Variants in MAGI1 observed in about 807,000 individuals in gnomAD.
MAGI1 encodes the protein membrane-associated guanylate kinase, WW and PDZ domain-containing protein 1.
Under a neutral mutation model 139.9 loss-of-function variants are expected in MAGI1, and 58 were observed. The ratio of observed to expected loss-of-function variants is 0.41; its 90% CI spans 0.34 to 0.52. The LOEUF is 0.52. Among genes scored for constraint, MAGI1 ranks in the 20% least tolerant of loss-of-function variants. The pLI is 0.12. For missense variants in MAGI1, 1,874 were observed against 1,901.6 expected (o/e 0.99, Z 0.27); for synonymous variants, 812 against 737.9 (o/e 1.10, Z -1.63).
intron 22 of MAGI1, chr3:65,360,344 G>A (rs1940697402): frequency 1.0e-6 from 1 of 973,370 alleles, no homozygotes; most frequent in African/African-American, 1.8e-5. Flanking sequence ...CTAGGGCATA[G>A]CTTCTTCTTT....
At chr3:65,401,777 T>A in intron 12 of MAGI1, 1 of 1,376,968 alleles carries the variant, frequency 7.3e-7, no homozygotes, top group East Asian at 3.0e-5. Context: ...TTGGACAGAA[T>A]CTCAAATGCT....
chr3:65,669,179 T>C (rs375620221), intron 1 of MAGI1, among the ~76,000 whole-genome samples: 2 of 152,226 alleles, frequency 1.3e-5, no homozygotes, highest in African/African-American at 4.8e-5. Flanking sequence ...CTGTGAGCCA[T>C]TGCACCCAGC....
intron 14 of MAGI1, among the ~76,000 whole-genome samples, chr3:65,390,837 G>A (rs2306379): frequency 0.2 from 30,508 of 152,074 alleles, 3,258 homozygotes; most frequent in African/African-American, 0.26. Context: ...ATCTCCACTC[G>A]GAGAATTAAT....
intron 2 of MAGI1, among the ~76,000 whole-genome samples, chr3:65,536,075 C>T (rs2078946702): frequency 6.6e-6 from 1 of 152,204 alleles, no homozygotes; most frequent in Non-Finnish European, 1.5e-5. Context: ...TATGCAAAGG[C>T]AGCTGGCATG....
At chr3:65,399,831 C>CA (rs751072847) in intron 13 of MAGI1, among the ~76,000 whole-genome samples, 4 of 152,224 alleles carry the variant, frequency 2.6e-5, no homozygotes, top group Non-Finnish European at 5.9e-5. Flanking sequence ...AAATGAATTA[C>CA]AAAAATCCTT....
At chr3:65,958,589 G>T (rs2064249422) in intron 1 of MAGI1, among the ~76,000 whole-genome samples, 1 of 152,154 alleles carries the variant, frequency 6.6e-6, no homozygotes, top group Non-Finnish European at 1.5e-5. Flanking sequence ...TATCTGCATG[G>T]GTAGACTTAA....
chr3:65,537,784 G>A (rs1457892141), intron 2 of MAGI1, among the ~76,000 whole-genome samples: 4 of 152,044 alleles, frequency 2.6e-5, no homozygotes, highest in African/African-American at 9.7e-5. Flanking sequence ...CCAACCCCCT[G>A]AAAATTACAC....
At chr3:65,556,235 T>A (rs779974399) in intron 2 of MAGI1, among the ~76,000 whole-genome samples, 22 of 152,162 alleles carry the variant, frequency 1.4e-4, no homozygotes, top group Non-Finnish European at 2.8e-4. Context: ...CACCAAGAAA[T>A]CTCTGATGTA....
intron 1 of MAGI1, among the ~76,000 whole-genome samples, chr3:65,980,017 C>T (rs964292440): frequency 2.0e-5 from 3 of 152,166 alleles, no homozygotes; most frequent in African/African-American, 7.2e-5. Context: ...GCCTTCAGCA[C>T]ATGGCCTTGT....
chr3:65,609,507 G>C (rs529715624), intron 2 of MAGI1, among the ~76,000 whole-genome samples: 1 of 151,656 alleles, frequency 6.6e-6, no homozygotes, highest in Admixed American at 6.6e-5. Flanking sequence ...TTGAACTCCC[G>C]ACCTCAAGCA....
intron 1 of MAGI1, among the ~76,000 whole-genome samples, chr3:65,652,597 G>A (rs577869838): frequency 2.0e-5 from 3 of 152,266 alleles, no homozygotes; most frequent in Non-Finnish European, 2.9e-5. Context: ...TTAGGGACTA[G>A]GGCAACCTAG....
chr3:65,996,643 C>T (rs1436658573), intron 1 of MAGI1, among the ~76,000 whole-genome samples: 1 of 152,042 alleles, frequency 6.6e-6, no homozygotes, highest in Non-Finnish European at 1.5e-5. Flanking sequence ...CACTCCTTTC[C>T]ACTCCCGTCT....
chr3:65,692,111 T>A (rs73129860), intron 1 of MAGI1, among the ~76,000 whole-genome samples: 18,158 of 150,184 alleles, frequency 0.12, 1,656 homozygotes, highest in East Asian at 0.43. Flanking sequence ...GACCTTTTTT[T>A]AAAAAAAAAA....
chr3:65,790,629 C>T (rs550953187), intron 1 of MAGI1, among the ~76,000 whole-genome samples: 1 of 152,132 alleles, frequency 6.6e-6, no homozygotes, highest in Non-Finnish European at 1.5e-5. Flanking sequence ...CTGGAGTCAG[C>T]TGTAGAGGAA....
chr3:65,736,663 C>G (rs78185914), intron 1 of MAGI1, among the ~76,000 whole-genome samples: 3,367 of 152,216 alleles, frequency 0.022, 78 homozygotes, highest in Non-Finnish European at 0.034. Flanking sequence ...GATGGGTGTC[C>G]CAGCTCAAGA....
intron 2 of MAGI1, among the ~76,000 whole-genome samples, chr3:65,515,811 C>G (rs1017267710): frequency 1.3e-5 from 2 of 152,146 alleles, no homozygotes; most frequent in African/African-American, 4.8e-5. Flanking sequence ...CAATACTTTA[C>G]AGAGAAAAGG....
Position 65,789,307 on chromosome 3 carries a change from C to A in MAGI1, c.314-167219G>T, listed in dbSNP as rs980833545. On this transcript the variant is annotated intron_variant, in intron 1 of 22. Coordinates refer to ENST00000402939, the MANE Select transcript of MAGI1 (RefSeq NM_001033057.2). ...CAGTCCTGTGGTATTCTTCCCACCCCCACCACTCCCAAAGGATGCTTAACG... is the reference window on the plus strand; with the variant it reads ...CAGTCCTGTGGTATTCTTCCCACCCACACCACTCCCAAAGGATGCTTAACG... Among the ~76,000 whole-genome samples the A allele has an allele frequency of 1.4e-4, 21 of 152,216 alleles. No homozygotes were observed. In the East Asian group the frequency reaches 3.1e-3, roughly 22 times the overall value.
intron 1 of MAGI1, among the ~76,000 whole-genome samples, chr3:65,649,708 T>C (rs1349337126): frequency 6.6e-6 from 1 of 152,130 alleles, no homozygotes; most frequent in Non-Finnish European, 1.5e-5. Context: ...ACTCCAAATA[T>C]GAACTTTTCA....
rs1388046202 is a variant in MAGI1, at chr3:65,691,307, A to AAAAAAAAAAAAAAAG, written c.314-69220_314-69219insCTTTTTTTTTTTTTT. Among the ~76,000 whole-genome samples, 22 of 133,658 alleles carry AAAAAAAAAAAAAAAG rather than the reference A, an allele frequency of 1.6e-4. 1 individual carries two copies. The highest frequency in any genetic ancestry group is 3.2e-4 in the Non-Finnish European group (19 of 58,908). 87.7% of individuals were successfully genotyped at this position (133,658 alleles called of 152,430 possible). A position where few individuals can be genotyped will look rare whatever the true frequency, so the allele number is the denominator to read the frequency against. ...GACAGAGCAAGACTCCGTCTCAAAAAAAAAAAAAGAAAAGAAAAAGAAAAA... is the reference window on the plus strand; with the variant it reads ...GACAGAGCAAGACTCCGTCTCAAAAAAAAAAAAAAAAAAAGAAAAAAAAGAAAAGAAAAAGAAAAA... On this transcript the variant is annotated intron_variant, in intron 1 of 22. Transcript: ENST00000402939.
Sources: gnomAD v4.1 joint callset for allele counts (sites outside exome capture counted in the v4.1 genomes callset) on GRCh38, gnomAD v4.1.1 for gene constraint, MANE v1.5 for transcripts, NCBI Gene and HGNC (gene_info 2026-07-23, HGNC 2026-07-21) for gene names.